PLXDC2: variants seen among roughly 807,000 people sequenced by gnomAD.
PLXDC2 encodes plexin domain containing 2, also known as plexin domain-containing protein 2.
In PLXDC2, 40 loss-of-function variants were observed where a neutral mutation model predicts 68.9. That is an observed-to-expected ratio of 0.58 (90% confidence interval 0.45 to 0.76). PLXDC2 has a LOEUF of 0.76. PLXDC2 is among the 30% of genes least tolerant of loss of function. PLXDC2 has a pLI of 0.00. For synonymous variants in PLXDC2, 243 were observed against 234.2 expected, an observed-to-expected ratio of 1.04 and a Z score of -0.34; for missense variants, 644 against 661.9, an observed-to-expected ratio of 0.97 and a Z score of 0.30.
chr10:20,227,819 C>G (rs146298431), intron 12 of PLXDC2, among the ~76,000 whole-genome samples: 2 of 151,932 alleles, frequency 1.3e-5, no homozygotes, highest in Admixed American at 6.6e-5. Flanking sequence ...GCCAGAAAAT[C>G]TAGTTAGGAG....
At chr10:19,975,374 C>T (rs1028911612) in intron 1 of PLXDC2, among the ~76,000 whole-genome samples, 16 of 152,100 alleles carry the variant, frequency 1.1e-4, no homozygotes, top group Non-Finnish European at 2.1e-4. Context: ...AGGAGAATGA[C>T]GTGAACCCAG....
intron 3 of PLXDC2, among the ~76,000 whole-genome samples, chr10:20,050,113 A>T (rs929412520): frequency 6.6e-6 from 1 of 152,034 alleles, no homozygotes; most frequent in Admixed American, 6.6e-5. Flanking sequence ...AATGGAGAAA[A>T]GACTCCCTGT....
intron 1 of PLXDC2, among the ~76,000 whole-genome samples, chr10:19,906,325 C>T (rs1833157605): frequency 6.6e-6 from 1 of 152,168 alleles, no homozygotes; most frequent in South Asian, 2.1e-4. Context: ...TATCATGCCA[C>T]AGTACGCAGG....
chr10:19,868,757 A>G (rs12573663), intron 1 of PLXDC2, among the ~76,000 whole-genome samples: 11,232 of 152,244 alleles, frequency 0.074, 579 homozygotes, highest in East Asian at 0.19. Context: ...TTACTCTATC[A>G]GCATATACTT....
At chr10:20,156,086 T>G (rs949738735) in intron 6 of PLXDC2, among the ~76,000 whole-genome samples, 1 of 152,094 alleles carries the variant, frequency 6.6e-6, no homozygotes, top group Non-Finnish European at 1.5e-5. Context: ...TAGACTTTCC[T>G]TAATCTCCTT....
chr10:19,982,881 C>A (rs1834576311), intron 1 of PLXDC2, among the ~76,000 whole-genome samples: 1 of 152,108 alleles, frequency 6.6e-6, no homozygotes, highest in Non-Finnish European at 1.5e-5. Flanking sequence ...CTTTATTGAA[C>A]AAAGAACAGT....
chr10:19,897,227 C>CTTTTTTTTT (rs558204823), intron 1 of PLXDC2, among the ~76,000 whole-genome samples: 4 of 139,970 alleles, frequency 2.9e-5, no homozygotes, highest in African/African-American at 5.4e-5. Flanking sequence ...ATTCCCTTCT[C>CTTTTTTTTT]TTTTTTTTTT....
At chr10:20,164,889 C>T (rs1430690124) in intron 7 of PLXDC2, among the ~76,000 whole-genome samples, 1 of 152,124 alleles carries the variant, frequency 6.6e-6, no homozygotes, top group Non-Finnish European at 1.5e-5. Context: ...ACTCACAGCT[C>T]ACTGCAACCT....
intron 9 of PLXDC2, among the ~76,000 whole-genome samples, chr10:20,184,207 G>T (rs1834648318): frequency 6.6e-6 from 1 of 151,542 alleles, no homozygotes; most frequent in East Asian, 1.9e-4. Flanking sequence ...CTCTGGAACT[G>T]CTGTTATTTT....
At chr10:20,225,329 A>G (rs1349798265) in intron 12 of PLXDC2, among the ~76,000 whole-genome samples, 2 of 152,178 alleles carry the variant, frequency 1.3e-5, no homozygotes, top group Non-Finnish European at 2.9e-5. Context: ...TCATACATAA[A>G]TCATCAAAGC....
At chr10:20,164,601 C>G (rs368340122) in intron 7 of PLXDC2, 34 bp downstream of exon 7, 6 of 1,504,714 alleles carry the variant, frequency 4.0e-6, no homozygotes, top group East Asian at 2.3e-5. Flanking sequence ...AATGAGTGAG[C>G]CTCTGTGGGG....
chr10:20,014,981 C>T (rs1414023177), intron 2 of PLXDC2, among the ~76,000 whole-genome samples: 3 of 151,980 alleles, frequency 2.0e-5, no homozygotes, highest in Non-Finnish European at 4.4e-5. Context: ...TTTCTATTGA[C>T]TTTTTAAATG....
At chr10:20,134,072 T>C (rs190162137) in intron 4 of PLXDC2, among the ~76,000 whole-genome samples, 44 of 152,296 alleles carry the variant, frequency 2.9e-4, no homozygotes, top group African/African-American at 1.0e-3. Context: ...TTTTCATAGT[T>C]TCTGTCTCTT....
At chr10:20,063,935 A>C (rs1327947573) in intron 3 of PLXDC2, among the ~76,000 whole-genome samples, 2 of 152,228 alleles carry the variant, frequency 1.3e-5, no homozygotes, top group Non-Finnish European at 2.9e-5. Context: ...CAAAGTTACC[A>C]TTCCCCCTTC....
chr10:20,258,175 A>G (rs549245972), intron 13 of PLXDC2, among the ~76,000 whole-genome samples: 13 of 150,958 alleles, frequency 8.6e-5, no homozygotes, highest in Non-Finnish European at 1.9e-4. Flanking sequence ...CTAATTCTTT[A>G]TATTTTTAGT....
intron 3 of PLXDC2, among the ~76,000 whole-genome samples, chr10:20,054,750 G>GTTAAATGAC (rs1259335014): frequency 1.3e-5 from 2 of 151,972 alleles, no homozygotes; most frequent in Non-Finnish European, 2.9e-5. Context: ...TATACCTAAT[G>GTTAAATGAC]TTAAATGACG....
intron 3 of PLXDC2, among the ~76,000 whole-genome samples, chr10:20,049,196 G>A (rs1212729125): frequency 1.3e-5 from 2 of 151,896 alleles, no homozygotes; most frequent in Non-Finnish European, 2.9e-5. Context: ...AACTAGGCAT[G>A]GAAGGAACAT....
At chr10:20,174,311 A>G (rs1209807902) in intron 7 of PLXDC2, among the ~76,000 whole-genome samples, 2 of 140,414 alleles carry the variant, frequency 1.4e-5, no homozygotes, top group African/African-American at 4.9e-5. Flanking sequence ...TTAAAAACTA[A>G]AAAAAAAATG....
intron 1 of PLXDC2, among the ~76,000 whole-genome samples, chr10:19,838,252 C>A (rs745894994): frequency 6.6e-6 from 1 of 152,194 alleles, no homozygotes; most frequent in Non-Finnish European, 1.5e-5. Flanking sequence ...TGTGAACCAC[C>A]ATGCCCGGCT....
Sources: allele counts gnomAD v4.1 joint callset (sites outside exome capture counted in the v4.1 genomes callset), GRCh38; gene constraint gnomAD v4.1.1; transcripts MANE v1.5; gene names NCBI Gene and HGNC (gene_info 2026-07-23, HGNC 2026-07-21).